Variants in ANTXR1 observed in about 807,000 individuals in gnomAD.
ANTXR1 encodes anthrax toxin receptor 1.
A neutral mutation model predicts 78.1 loss-of-function variants in ANTXR1; 19 were observed. The observed-to-expected ratio is 0.24, with a 90% CI of 0.17 to 0.36. ANTXR1 has a LOEUF of 0.36. Among genes scored for constraint, ANTXR1 ranks in the 10% least tolerant of loss-of-function variants. The probability of loss-of-function intolerance (pLI) is 1.00; values close to 1 mark genes in which losing one functional copy is unlikely to be tolerated. For synonymous variants in ANTXR1, 273 were observed against 260.5 expected (o/e 1.05, Z -0.46); for missense variants, 518 against 718.6 (o/e 0.72, Z 3.19).
chr2:69,126,417 G>A (rs1360746361), intron 12 of ANTXR1, among the ~76,000 whole-genome samples: 1 of 152,162 alleles, frequency 6.6e-6, no homozygotes, highest in African/African-American at 2.4e-5. Context: ...AAAACTGTAT[G>A]CAGAAGTGTT....
At chr2:69,219,303 A>T (rs1675256529) in intron 17 of ANTXR1, among the ~76,000 whole-genome samples, 1 of 151,716 alleles carries the variant, frequency 6.6e-6, no homozygotes, top group African/African-American at 2.4e-5. Context: ...CCTGCCAGAA[A>T]TTCCCCAAAA....
chr2:69,197,478 G>A (rs1049835316), intron 17 of ANTXR1, among the ~76,000 whole-genome samples: 1 of 152,190 alleles, frequency 6.6e-6, no homozygotes, highest in Non-Finnish European at 1.5e-5. Context: ...TGCTGGTCAT[G>A]CCCTGAACAT....
intron 14 of ANTXR1, among the ~76,000 whole-genome samples, chr2:69,173,608 G>A (rs185501481): frequency 2.6e-5 from 4 of 152,164 alleles, no homozygotes; most frequent in East Asian, 3.9e-4. Flanking sequence ...ACTAAACTTC[G>A]GTCTCATTAA....
At chr2:69,197,648 G>C (rs778924631) in intron 17 of ANTXR1, among the ~76,000 whole-genome samples, 1 of 152,140 alleles carries the variant, frequency 6.6e-6, no homozygotes, top group Non-Finnish European at 1.5e-5. Context: ...TGCTTGAAAG[G>C]GGGCATTGCC....
At position 69,239,983 on chromosome 2, in the gene ANTXR1, A is replaced by G. The variant is rs748493910; in HGVS notation, c.1435-5242A>G. 7.4e-4 allele frequency among the ~76,000 whole-genome samples: 113 copies of G among 152,264 alleles called. 1 individual carries two copies. The highest frequency in any genetic ancestry group is 2.5e-4 in the Non-Finnish European group (17 of 68,042). On this transcript the variant is annotated intron_variant, in intron 17 of 17. Transcript: ENST00000303714. ...CCCAAAAAGTATTTTTAGAGGTAAC[A>G]TTAACCTTTCAAGTGTGGAAGCCAA...
intron 13 of ANTXR1, among the ~76,000 whole-genome samples, chr2:69,164,362 T>A (rs527480445): frequency 6.6e-6 from 1 of 152,228 alleles, no homozygotes; most frequent in Non-Finnish European, 1.5e-5. Context: ...GAGACCAGAA[T>A]TGAATCTTGT....
chr2:69,044,856 T>G, intron 3 of ANTXR1, 43 bp downstream of exon 3: 1 of 1,586,288 alleles, frequency 6.3e-7, no homozygotes, highest in East Asian at 2.2e-5. Flanking sequence ...GTCCATCACT[T>G]CCTGAGTAGC....
intron 3 of ANTXR1, among the ~76,000 whole-genome samples, chr2:69,046,241 G>C (rs1367341905): frequency 6.6e-6 from 1 of 152,190 alleles, no homozygotes; most frequent in Non-Finnish European, 1.5e-5. Flanking sequence ...TTGGCCAAGA[G>C]ACCAGGTTCA....
At chr2:69,225,942 G>A (rs1441889742) in intron 17 of ANTXR1, among the ~76,000 whole-genome samples, 1 of 152,208 alleles carries the variant, frequency 6.6e-6, no homozygotes, top group African/African-American at 2.4e-5. Context: ...GAGTATTGCT[G>A]TTACTATTGG....
At chr2:69,233,445 T>C in intron 17 of ANTXR1, among the ~76,000 whole-genome samples, 1 of 151,766 alleles carries the variant, frequency 6.6e-6, no homozygotes, top group East Asian at 1.9e-4. Context: ...ATTTATAAAA[T>C]ATATATCAGT....
At position 69,102,833 on chromosome 2, in the gene ANTXR1, T is replaced by G. The variant is rs1488228481; in HGVS notation, c.704-9T>G. On this transcript the variant is annotated splice_polypyrimidine_tract_variant and intron_variant, in intron 9 of 17. Coordinates refer to ENST00000303714, the MANE Select transcript of ANTXR1 (RefSeq NM_032208.3). ...AAGTAACGAGTCTCGTCATTATTCT[T>G]TATTTCAGAGTCATTTCAAGTTGTC... 1.9e-6 allele frequency: 3 copies of G among 1,613,696 alleles called. No homozygotes were observed. The highest frequency in any genetic ancestry group is 2.2e-5 in the South Asian group (2 of 91,064).
intron 12 of ANTXR1, among the ~76,000 whole-genome samples, chr2:69,134,572 C>G (rs939672805): frequency 6.6e-6 from 1 of 152,128 alleles, no homozygotes; most frequent in Non-Finnish European, 1.5e-5. Flanking sequence ...TTTCAGACTC[C>G]TTATGCTGCT....
In ANTXR1 at chr2:69,172,444, G is replaced by A. The variant is rs114921654; in HGVS notation, c.1089+2155G>A. 276 of 1,590,050 alleles carry A rather than the reference G, an allele frequency of 1.7e-4. No individual in the cohort carries two copies. The African/African-American group carries it at 1.8e-3, about 10-fold the overall frequency. On this transcript the variant is annotated intron_variant, in intron 14 of 17. Coordinates refer to ENST00000303714, the MANE Select transcript of ANTXR1 (RefSeq NM_032208.3). Reference sequence around the variant, plus strand: ...GATAACCTAACACAGCCCGTGCAACGTATTTTATACAATGCTCTGAAAATC... The same window carrying A: ...GATAACCTAACACAGCCCGTGCAACATATTTTATACAATGCTCTGAAAATC...
chr2:69,017,339 T>G (rs1671053722), intron 1 of ANTXR1, among the ~76,000 whole-genome samples: 2 of 152,184 alleles, frequency 1.3e-5, no homozygotes, highest in South Asian at 4.1e-4. Flanking sequence ...CTTGGGCTTC[T>G]TAGATCCTTT....
intron 1 of ANTXR1, among the ~76,000 whole-genome samples, chr2:69,035,157 G>A (rs72895436): frequency 0.084 from 12,733 of 152,136 alleles, 569 homozygotes; most frequent in Admixed American, 0.13. Flanking sequence ...AGAAGGCAGC[G>A]GGGGGCGGGG....
intron 14 of ANTXR1, among the ~76,000 whole-genome samples, chr2:69,180,786 A>C (rs1281464819): frequency 6.6e-6 from 1 of 152,238 alleles, no homozygotes; most frequent in African/African-American, 2.4e-5. Flanking sequence ...AGCCATGATG[A>C]GATCCTTAAC....
chr2:69,181,106 C>T (rs1335337051), intron 14 of ANTXR1, among the ~76,000 whole-genome samples: 2 of 152,194 alleles, frequency 1.3e-5, no homozygotes, highest in Non-Finnish European at 2.9e-5. Flanking sequence ...ACTTACTCTG[C>T]TGCTTTGTGG....
Position 69,145,748 on chromosome 2 carries a change from C to G in ANTXR1, c.952-6421C>G, listed in dbSNP as rs910676755. The G allele has an allele frequency of 1.5e-5, 15 of 1,029,902 alleles. No individual in the cohort carries two copies. In the African/African-American group the frequency reaches 2.5e-4, roughly 17 times the overall value. The allele number at this position is 1,029,902 out of a possible 1,614,324, so 63.8% of individuals were successfully genotyped here. On this transcript the variant is annotated intron_variant, in intron 12 of 17. Coordinates refer to ENST00000303714, the MANE Select transcript of ANTXR1 (RefSeq NM_032208.3). Reference sequence around the variant, plus strand: ...CTCTCCATTCTATCCTCCTCCCTTTCCCACAAAAGAAAACAGAAAGGAGCA... The same window carrying G: ...CTCTCCATTCTATCCTCCTCCCTTTGCCACAAAAGAAAACAGAAAGGAGCA...
chr2:69,245,524 A>G lies in ANTXR1; in HGVS notation c.*39A>G, dbSNP rs371042917. The G allele has an allele frequency of 1.2e-5, 19 of 1,611,570 alleles. No homozygotes were observed. The highest frequency in any genetic ancestry group is 1.6e-5 in the Non-Finnish European group (19 of 1,179,442). On this transcript the variant is annotated 3_prime_UTR_variant, in exon 18 of 18. Transcript: ENST00000303714. The stretch of plus-strand genomic sequence containing the variant: ...TGCTCTGGGCTCTCTCAGAAACTTC[A>G]GGAGATGTTAGAACAAGTCTTTCCA...
Sources: allele counts gnomAD v4.1 joint callset (sites outside exome capture counted in the v4.1 genomes callset), GRCh38; gene constraint gnomAD v4.1.1; transcripts MANE v1.5; gene names NCBI Gene and HGNC (gene_info 2026-07-23, HGNC 2026-07-21).